MAN1C1: variants seen among roughly 807,000 people sequenced by gnomAD.
MAN1C1 encodes mannosidase alpha class 1C member 1, also known as mannosyl-oligosaccharide 1,2-alpha-mannosidase IC.
In MAN1C1, 49 loss-of-function variants were observed where a neutral mutation model predicts 71.5. That is an observed-to-expected ratio of 0.69 (90% CI 0.54 to 0.87). MAN1C1 has a LOEUF of 0.87. Among genes scored for constraint, MAN1C1 ranks in the 40% least tolerant of loss-of-function variants. MAN1C1 has a pLI of 0.00. For missense variants in MAN1C1, 743 were observed against 835.0 expected, an observed-to-expected ratio of 0.89 and a Z score of 1.36; for synonymous variants, 352 against 343.7, an observed-to-expected ratio of 1.02 and a Z score of -0.27.
chr1:25,648,676 A>T (rs1303333728), intron 1 of MAN1C1, among the ~76,000 whole-genome samples: 1 of 152,226 alleles, frequency 6.6e-6, no homozygotes, highest in Non-Finnish European at 1.5e-5. Flanking sequence ...AATTCTGATG[A>T]GACACAATTA....
In MAN1C1 at chr1:25,778,555, G is replaced by A. The variant is rs1249723601; in HGVS notation, c.1477+231G>A. Among the ~76,000 whole-genome samples, 6 of 152,252 alleles carry A rather than the reference G, an allele frequency of 3.9e-5. No homozygotes were observed. Among genetic ancestry groups the A allele is most frequent in the South Asian group, 2.1e-4 (1 of 4,826 alleles). The stretch of plus-strand genomic sequence containing the variant: ...CTTTGCATGTACCTGGTACTCTTCC[G>A]CACTTGACACAACATCACTGAACCT... On this transcript the variant is annotated intron_variant, in intron 9 of 11. Transcript: ENST00000374332. The surrounding 1 kb of genome is among the most constrained non-coding windows in gnomAD (Gnocchi z 5.5).
intron 1 of MAN1C1, among the ~76,000 whole-genome samples, chr1:25,649,188 G>A (rs1193955524): frequency 2.6e-5 from 4 of 152,208 alleles, no homozygotes; most frequent in Non-Finnish European, 4.4e-5. Flanking sequence ...CACTTGCCAC[G>A]CATGAGTACT....
Position 25,730,477 on chromosome 1 carries a change from T to C in MAN1C1, c.638-16191T>C, listed in dbSNP as rs777023008. Reference sequence around the variant, plus strand: ...GAATGACAAATACTAGGGGCTTTAATTGTTCAGTCACATGAGGGTGGTGCC... The same window carrying C: ...GAATGACAAATACTAGGGGCTTTAACTGTTCAGTCACATGAGGGTGGTGCC... On this transcript the variant is annotated intron_variant, in intron 2 of 11. Transcript: ENST00000374332. This position sits in a 1 kb window ranked among gnomAD's most constrained non-coding sequence, Gnocchi z 4.3. Among the ~76,000 whole-genome samples, 8 of 152,312 alleles carry C rather than the reference T, an allele frequency of 5.3e-5. No homozygotes were observed. The highest frequency in any genetic ancestry group is 8.8e-5 in the Non-Finnish European group (6 of 68,022).
intron 2 of MAN1C1, among the ~76,000 whole-genome samples, chr1:25,731,385 C>A (rs766202658): frequency 2.0e-5 from 3 of 152,086 alleles, no homozygotes; most frequent in Non-Finnish European, 4.4e-5. Context: ...TGAGAGGCAA[C>A]TCATAGGTAT....
intron 6 of MAN1C1, chr1:25,759,589 A>G (rs2124368896): frequency 6.6e-6 from 1 of 152,244 alleles, no homozygotes; most frequent in Non-Finnish European, 1.5e-5. Flanking sequence ...CAACTGGGAG[A>G]TGATAGATTC....
intron 1 of MAN1C1, among the ~76,000 whole-genome samples, chr1:25,678,405 A>T (rs1438767296): frequency 6.6e-6 from 1 of 152,214 alleles, no homozygotes; most frequent in Non-Finnish European, 1.5e-5. Flanking sequence ...ATAAGTGATG[A>T]TTGTTCATTT....
At chr1:25,671,024 G>A (rs1449318185) in intron 1 of MAN1C1, among the ~76,000 whole-genome samples, 1 of 152,080 alleles carries the variant, frequency 6.6e-6, no homozygotes, top group Non-Finnish European at 1.5e-5. Context: ...CCACAGGTGC[G>A]TGCCACCATG....
intron 1 of MAN1C1, chr1:25,654,371 G>A (rs772405044): frequency 6.6e-6 from 1 of 152,192 alleles, no homozygotes; most frequent in South Asian, 2.1e-4. Flanking sequence ...CAAAGGGTAA[G>A]GCTTTACAAA....
At chr1:25,768,081 C>T (rs564123750) in intron 7 of MAN1C1, among the ~76,000 whole-genome samples, 1 of 75,628 alleles carries the variant, frequency 1.3e-5, no homozygotes, top group Non-Finnish European at 2.3e-5. Context: ...ACACTCCCCC[C>T]CACACACAGA....
At chr1:25,699,648 G>T (rs1467077511) in intron 2 of MAN1C1, among the ~76,000 whole-genome samples, 1 of 152,192 alleles carries the variant, frequency 6.6e-6, no homozygotes, top group Non-Finnish European at 1.5e-5. Flanking sequence ...CTGGCATATG[G>T]TCTCTTGAGT....
At chr1:25,754,835 C>A (rs772583603) in intron 5 of MAN1C1, among the ~76,000 whole-genome samples, 1 of 152,202 alleles carries the variant, frequency 6.6e-6, no homozygotes, top group Non-Finnish European at 1.5e-5. Context: ...ATTAAGGAAG[C>A]GCGTTTGCTT....
intron 1 of MAN1C1, among the ~76,000 whole-genome samples, chr1:25,647,075 C>G (rs2045625445): frequency 6.6e-6 from 1 of 152,154 alleles, no homozygotes; most frequent in Non-Finnish European, 1.5e-5. Context: ...CTGAGAGTGC[C>G]AGCCCCTCTC....
At chr1:25,697,658 A>G (rs1318835759) in intron 2 of MAN1C1, among the ~76,000 whole-genome samples, 2 of 152,222 alleles carry the variant, frequency 1.3e-5, no homozygotes, top group East Asian at 3.8e-4. Flanking sequence ...ACCATTTTAA[A>G]TTCCCACCAG....
intron 2 of MAN1C1, among the ~76,000 whole-genome samples, chr1:25,705,937 T>TA (rs1451935019): frequency 6.6e-6 from 1 of 152,204 alleles, no homozygotes; most frequent in Non-Finnish European, 1.5e-5. Flanking sequence ...AGCAAGACCC[T>TA]ATGTCAGATA....
chr1:25,781,108 T>C lies in MAN1C1; in HGVS notation c.1646T>C (p.Val549Ala), dbSNP rs1472753578. ...TACAGGGAGTGGGGCTGGGAGGTGG[T>C]GCTGGTGAGTGGGCCCCAGGGATGG... Reference protein sequence around the residue: ...PIYREWGWEVVLALEKYCRTE... With the variant: ...PIYREWGWEVALALEKYCRTE... Residue 549 changes from valine (V) to alanine (A), a missense_variant, in exon 10 of 12, where the codon GTG becomes GCG. Physicochemically the swap from Val to Ala is moderately conservative, Grantham distance 64. Coordinates refer to ENST00000374332, the MANE Select transcript of MAN1C1 (RefSeq NM_020379.4). The C allele has an allele frequency of 1.9e-6, 3 of 1,613,586 alleles. No homozygotes were observed. The African/African-American group carries it at 4.0e-5, about 22-fold the overall frequency.
intron 1 of MAN1C1, among the ~76,000 whole-genome samples, chr1:25,676,841 A>G (rs2046075425): frequency 6.6e-6 from 1 of 152,194 alleles, no homozygotes; most frequent in Non-Finnish European, 1.5e-5. Flanking sequence ...GAATGTCTCA[A>G]TATTCAATGC....
At chr1:25,640,281 T>A (rs987172893) in intron 1 of MAN1C1, among the ~76,000 whole-genome samples, 1 of 152,348 alleles carries the variant, frequency 6.6e-6, no homozygotes, top group Admixed American at 6.5e-5. Flanking sequence ...AATAAAAGTT[T>A]TAAGTCTCTT....
chr1:25,646,904 A>G (rs1184952884), intron 1 of MAN1C1, among the ~76,000 whole-genome samples: 1 of 152,174 alleles, frequency 6.6e-6, no homozygotes, highest in Non-Finnish European at 1.5e-5. Flanking sequence ...TTGGGTGGAC[A>G]TGTTTTCAGT....
At chr1:25,666,269 G>C (rs1042119167) in intron 1 of MAN1C1, among the ~76,000 whole-genome samples, 1 of 152,042 alleles carries the variant, frequency 6.6e-6, no homozygotes, top group Non-Finnish European at 1.5e-5. Context: ...TTTGCATTTC[G>C]GTTCTCTGTC....
Sources: allele counts gnomAD v4.1 joint callset (sites outside exome capture counted in the v4.1 genomes callset), GRCh38; gene constraint gnomAD v4.1.1; non-coding constraint Gnocchi (gnomAD v3.1); transcripts MANE v1.5; gene names NCBI Gene and HGNC (gene_info 2026-07-23, HGNC 2026-07-21).